The following PPP1R21 variants were observed in gnomAD, a reference collection of about 807,000 sequenced individuals.
The protein encoded by PPP1R21 is KLRAQ motif containing 1.
Under a neutral mutation model 112.8 loss-of-function variants are expected in PPP1R21, and 85 were observed. The ratio of observed to expected loss-of-function variants is 0.75; its 90% confidence interval spans 0.63 to 0.90. The LOEUF is 0.90. Ranked by LOEUF, PPP1R21 falls within the 40% of genes least tolerant of loss-of-function variation. PPP1R21 has a pLI of 0.00. For synonymous variants in PPP1R21, 381 were observed against 322.3 expected (o/e 1.18, Z -1.95); for missense variants, 1,199 against 901.5 (o/e 1.33, Z -4.23).
chr2:48,457,951 A>C, intron 3 of PPP1R21, 175 bp from the exon 4 acceptor site: 1 of 578,136 alleles, frequency 1.7e-6, no homozygotes, highest in African/African-American at 1.9e-5. Flanking sequence ...TTGCAGTTTC[A>C]ACTTGTGTCA....
Position 48,459,932 on chromosome 2 carries a change from T to G in PPP1R21, c.540+14T>G, listed in dbSNP as rs761807734. The G allele has an allele frequency of 6.2e-7, 1 of 1,609,994 alleles. No homozygotes were observed. Among genetic ancestry groups the G allele is most frequent in the South Asian group, 1.1e-5 (1 of 90,744 alleles). ...GCTAAACTAGAAGTAAGCCCCATTG[T>G]GAGAGCACACTAAAAAATAGTTACA... is the stretch of plus-strand genomic sequence containing the variant. On this transcript the variant is annotated intron_variant, in intron 5 of 21. Transcript: ENST00000294952.
At chr2:48,452,145 A>G (rs994890843) in intron 2 of PPP1R21, among the ~76,000 whole-genome samples, 1 of 152,240 alleles carries the variant, frequency 6.6e-6, no homozygotes, top group Non-Finnish European at 1.5e-5. Context: ...TCCAAATGAT[A>G]TTTAAACTTA....
intron 4 of PPP1R21, among the ~76,000 whole-genome samples, chr2:48,459,194 C>T (rs1417228880): frequency 6.6e-6 from 1 of 151,288 alleles, no homozygotes; most frequent in Non-Finnish European, 1.5e-5. Flanking sequence ...CACACACACA[C>T]ACAAACAGAC....
intron 4 of PPP1R21, 134 bp from the exon 5 acceptor site, chr2:48,459,620 A>C (rs535319858): frequency 1.1e-6 from 1 of 881,374 alleles, no homozygotes; most frequent in African/African-American, 1.7e-5. Flanking sequence ...TAATGAGATA[A>C]TGCCTGTGTG....
intron 1 of PPP1R21, among the ~76,000 whole-genome samples, chr2:48,443,662 A>G (rs1667128795): frequency 6.6e-6 from 1 of 152,198 alleles, no homozygotes; most frequent in Non-Finnish European, 1.5e-5. Flanking sequence ...GGAATTTCAG[A>G]ACACAGGAGA....
chr2:48,475,770 C>T (rs928498147), intron 12 of PPP1R21, among the ~76,000 whole-genome samples: 1 of 151,952 alleles, frequency 6.6e-6, no homozygotes, highest in African/African-American at 2.4e-5. Context: ...TCGCGTGAGC[C>T]TGGGAGGCAG....
chr2:48,468,641 C>T (rs1043675117), intron 9 of PPP1R21, among the ~76,000 whole-genome samples: 1 of 151,782 alleles, frequency 6.6e-6, no homozygotes, highest in Non-Finnish European at 1.5e-5. Context: ...GGTGAAACCC[C>T]GTCTCTACCA....
At chr2:48,446,995 C>T (rs1667276690) in intron 1 of PPP1R21, among the ~76,000 whole-genome samples, 1 of 152,190 alleles carries the variant, frequency 6.6e-6, no homozygotes, top group South Asian at 2.1e-4. Flanking sequence ...AGGTGATCTG[C>T]CCGCCTCAGC....
chr2:48,509,534 G>A (rs749085913), intron 19 of PPP1R21, among the ~76,000 whole-genome samples: 9 of 151,580 alleles, frequency 5.9e-5, no homozygotes, highest in Non-Finnish European at 1.0e-4. Context: ...AGTGAAACCC[G>A]TCTCTACTAA....
At chr2:48,465,335 TTAGA>T (rs1164713800) in intron 8 of PPP1R21, among the ~76,000 whole-genome samples, 154 bp from the exon 9 acceptor site, 2 of 152,200 alleles carry the variant, frequency 1.3e-5, no homozygotes, top group Non-Finnish European at 2.9e-5. Context: ...TCTAATTTAC[TTAGA>T]TAGGAATATT....
intron 1 of PPP1R21, among the ~76,000 whole-genome samples, chr2:48,449,559 C>T (rs1243791749): frequency 6.6e-6 from 1 of 152,104 alleles, no homozygotes; most frequent in African/African-American, 2.4e-5. Flanking sequence ...GTTGAATATC[C>T]TGCAGTATTC....
At chr2:48,484,663 C>T (rs909354734) in intron 13 of PPP1R21, among the ~76,000 whole-genome samples, 2 of 152,108 alleles carry the variant, frequency 1.3e-5, no homozygotes, top group African/African-American at 2.4e-5. Context: ...ATTACAGGCA[C>T]ATGCCACTAC....
In PPP1R21 at chr2:48,460,091, T is replaced by C. The variant is rs755028527; in HGVS notation, c.541-4T>C. The C allele has an allele frequency of 6.2e-7, 1 of 1,614,128 alleles. No homozygotes were observed. The highest frequency in any genetic ancestry group is 2.2e-5 in the East Asian group (1 of 44,888). On this transcript the variant is annotated splice_region_variant and splice_polypyrimidine_tract_variant and intron_variant, in intron 5 of 21. Coordinates refer to ENST00000294952, the MANE Select transcript of PPP1R21 (RefSeq NM_001135629.3). ...TCTGTGTTTCTTTTTCTTCTGAAAT[T>C]CAGGTGAAATCTCAGACTCTAGAAA...
intron 17 of PPP1R21, among the ~76,000 whole-genome samples, chr2:48,505,332 T>G (rs2103658957): frequency 6.6e-6 from 1 of 152,356 alleles, no homozygotes; most frequent in East Asian, 1.9e-4. Context: ...TAATCAGCAT[T>G]TTGATAGAAG....
At chr2:48,511,516 G>A (rs752660685) in intron 21 of PPP1R21, 48 bp downstream of exon 21, 2 of 1,592,722 alleles carry the variant, frequency 1.3e-6, no homozygotes, top group Non-Finnish European at 1.7e-6. Context: ...AATATTTAAT[G>A]TGAGGTATTT....
At chr2:48,506,574 G>A (rs1000561746) in intron 18 of PPP1R21, among the ~76,000 whole-genome samples, 4 of 152,190 alleles carry the variant, frequency 2.6e-5, no homozygotes, top group East Asian at 1.9e-4. Flanking sequence ...TCAACAGGGT[G>A]TCATTGTTTG....
At chr2:48,458,551 T>C (rs964513542) in intron 4 of PPP1R21, among the ~76,000 whole-genome samples, 1 of 151,802 alleles carries the variant, frequency 6.6e-6, no homozygotes, top group Non-Finnish European at 1.5e-5. Context: ...TACCAATAAA[T>C]GGTATTTGCT....
At chr2:48,500,848 G>T (rs374128823) in intron 17 of PPP1R21, among the ~76,000 whole-genome samples, 2 of 152,102 alleles carry the variant, frequency 1.3e-5, no homozygotes, top group Non-Finnish European at 1.5e-5. Flanking sequence ...GGCGGAGGTC[G>T]CAGTGAGCTG....
intron 21 of PPP1R21, among the ~76,000 whole-genome samples, chr2:48,511,690 C>G (rs1461298264): frequency 7.0e-6 from 1 of 143,694 alleles, no homozygotes; most frequent in Admixed American, 7.0e-5. Context: ...AGTGATACTT[C>G]ATCTCTACAA....
Sources: allele counts gnomAD v4.1 joint callset (sites outside exome capture counted in the v4.1 genomes callset), GRCh38; gene constraint gnomAD v4.1.1; transcripts MANE v1.5; gene names NCBI Gene and HGNC (gene_info 2026-07-23, HGNC 2026-07-21).